Variants in RALYL observed in about 807,000 individuals in gnomAD.
RALYL encodes the protein RNA-binding Raly-like protein.
RALYL carries 29 observed loss-of-function variants against 35.1 expected under a neutral mutation model. The ratio of observed to expected loss-of-function variants is 0.83; its 90% CI spans 0.61 to 1.13. The LOEUF is 1.13. RALYL is among the 50% of genes most tolerant of loss of function. The probability of loss-of-function intolerance (pLI) is 0.00; values close to 1 mark genes in which losing one functional copy is unlikely to be tolerated. For synonymous variants in RALYL, 120 were observed against 127.6 expected (o/e 0.94, Z 0.40); for missense variants, 359 against 360.4 (o/e 1.00, Z 0.03).
In RALYL at chr8:84,731,787, T is replaced by C. The variant is rs183624512; in HGVS notation, c.257-42792T>C. ...ATGTAAAAAAACTATCGCTTTCTAT[T>C]GCCCTTTAAAAAAACCAAAGTCCTT... is the stretch of plus-strand genomic sequence containing the variant. On this transcript the variant is annotated intron_variant, in intron 2 of 8. Coordinates refer to ENST00000521268, the MANE Select transcript of RALYL (RefSeq NM_173848.7). 3.9e-5 allele frequency among the ~76,000 whole-genome samples: 6 copies of C among 152,278 alleles called. No individual in the cohort carries two copies. In the East Asian group the frequency reaches 9.6e-4, roughly 24 times the overall value.
At chr8:84,262,140 A>G (rs1832430146) in intron 1 of RALYL, among the ~76,000 whole-genome samples, 2 of 152,146 alleles carry the variant, frequency 1.3e-5, no homozygotes, top group South Asian at 4.1e-4. Flanking sequence ...CAGAACAGGG[A>G]TTTTTGATAT....
intron 1 of RALYL, among the ~76,000 whole-genome samples, chr8:84,483,850 A>G (rs1256876069): frequency 6.6e-6 from 1 of 152,094 alleles, no homozygotes; most frequent in South Asian, 2.1e-4. Flanking sequence ...ACTTTGGAAT[A>G]TTTCACATCT....
chr8:84,417,914 C>T (rs1036234621), intron 1 of RALYL, among the ~76,000 whole-genome samples: 1 of 152,084 alleles, frequency 6.6e-6, no homozygotes, highest in Non-Finnish European at 1.5e-5. Flanking sequence ...AATAATTTTG[C>T]TTCTCTATTT....
At chr8:84,729,840 T>G (rs1254179240) in intron 2 of RALYL, among the ~76,000 whole-genome samples, 4 of 152,028 alleles carry the variant, frequency 2.6e-5, no homozygotes, top group South Asian at 4.1e-4. Context: ...CCAGGAAGAA[T>G]TTGAATCTCT....
At chr8:84,647,633 C>T (rs1178610296) in intron 2 of RALYL, among the ~76,000 whole-genome samples, 2 of 151,978 alleles carry the variant, frequency 1.3e-5, no homozygotes, top group Non-Finnish European at 2.9e-5. Flanking sequence ...TTTGTGGACT[C>T]AATTTATTAT....
intron 1 of RALYL, among the ~76,000 whole-genome samples, chr8:84,186,329 A>T (rs755706902): frequency 6.6e-5 from 10 of 152,210 alleles, no homozygotes; most frequent in African/African-American, 1.9e-4. Flanking sequence ...ATAAAACATT[A>T]AAAAAGCCAC....
chr8:84,499,656 T>G (rs1207894733), intron 1 of RALYL, among the ~76,000 whole-genome samples: 1 of 151,998 alleles, frequency 6.6e-6, no homozygotes, highest in Non-Finnish European at 1.5e-5. Flanking sequence ...GGTCTAACCT[T>G]GGACTCCTGT....
chr8:84,786,734 T>C (rs1162857282), intron 3 of RALYL, among the ~76,000 whole-genome samples: 1 of 152,194 alleles, frequency 6.6e-6, no homozygotes, highest in South Asian at 2.1e-4. Flanking sequence ...TATTAGACCT[T>C]TGTCAGATGG....
intron 2 of RALYL, among the ~76,000 whole-genome samples, chr8:84,713,252 G>C (rs1292144840): frequency 2.6e-5 from 4 of 151,962 alleles, no homozygotes; most frequent in Admixed American, 2.0e-4. Flanking sequence ...TGGTAGATCA[G>C]TTGACTAAAA....
chr8:84,238,694 AAGGCTGT>A (rs1389124949), intron 1 of RALYL, among the ~76,000 whole-genome samples: 1 of 152,126 alleles, frequency 6.6e-6, no homozygotes, highest in Non-Finnish European at 1.5e-5. Context: ...AAGCCCTTTG[AAGGCTGT>A]AGTGGTAGGG....
intron 1 of RALYL, among the ~76,000 whole-genome samples, chr8:84,228,771 C>T (rs1824599474): frequency 6.6e-6 from 1 of 152,092 alleles, no homozygotes; most frequent in African/African-American, 2.4e-5. Flanking sequence ...ACGGTCATGG[C>T]AGAAGGCACC....
chr8:84,638,846 A>C (rs1825621818), intron 2 of RALYL, among the ~76,000 whole-genome samples: 1 of 118,134 alleles, frequency 8.5e-6, no homozygotes, highest in Admixed American at 9.0e-5. Context: ...CTATAACAGA[A>C]ATACGAGTAT....
chr8:84,577,148 C>A (rs961345274), intron 2 of RALYL, among the ~76,000 whole-genome samples: 1 of 152,188 alleles, frequency 6.6e-6, no homozygotes, highest in Admixed American at 6.5e-5. Flanking sequence ...GACAAGCAGG[C>A]CAACAGTTGC....
At chr8:84,818,790 T>A (rs781112861) in intron 4 of RALYL, among the ~76,000 whole-genome samples, 1 of 152,160 alleles carries the variant, frequency 6.6e-6, no homozygotes, top group Non-Finnish European at 1.5e-5. Context: ...AGGACTTGAA[T>A]AGAATGAAAT....
intron 1 of RALYL, among the ~76,000 whole-genome samples, chr8:84,507,716 C>T (rs182809578): frequency 1.3e-5 from 2 of 152,222 alleles, no homozygotes; most frequent in Non-Finnish European, 2.9e-5. Context: ...AAGATCTCAC[C>T]TTGTATCCAC....
chr8:84,549,676 G>GCAGGCC (rs2060589210), intron 2 of RALYL, among the ~76,000 whole-genome samples: 1 of 152,144 alleles, frequency 6.6e-6, no homozygotes, highest in South Asian at 2.1e-4. Context: ...TGAGAGTATG[G>GCAGGCC]CAGGCCGGGG....
At chr8:84,896,115 T>C (rs1226883363) in intron 8 of RALYL, among the ~76,000 whole-genome samples, 1 of 152,122 alleles carries the variant, frequency 6.6e-6, no homozygotes, top group African/African-American at 2.4e-5. Context: ...TGCCACAGAC[T>C]TTGCTGCTGC....
At chr8:84,308,402 T>G (rs546203875) in intron 1 of RALYL, among the ~76,000 whole-genome samples, 1 of 152,314 alleles carries the variant, frequency 6.6e-6, no homozygotes, top group East Asian at 1.9e-4. Context: ...CTCCCAAGTT[T>G]TCTCATGCCA....
intron 2 of RALYL, among the ~76,000 whole-genome samples, chr8:84,695,255 C>A (rs182473614): frequency 2.6e-5 from 4 of 151,670 alleles, no homozygotes; most frequent in Non-Finnish European, 4.4e-5. Context: ...GTCATGGGCA[C>A]CAACTCACAA....
Sources: gnomAD v4.1 joint callset for allele counts (sites outside exome capture counted in the v4.1 genomes callset) on GRCh38, gnomAD v4.1.1 for gene constraint, MANE v1.5 for transcripts, NCBI Gene and HGNC (gene_info 2026-07-23, HGNC 2026-07-21) for gene names.